Variants in ELMO1 observed in about 807,000 individuals in gnomAD.
The protein encoded by ELMO1 is engulfment and cell motility 1.
In ELMO1, 26 loss-of-function variants were observed where a neutral mutation model predicts 98.9. The observed-to-expected ratio is 0.26, with a 90% confidence interval of 0.19 to 0.36. ELMO1 has a LOEUF of 0.36. Ranked by LOEUF, ELMO1 falls within the 10% of genes least tolerant of loss-of-function variation. The pLI is 1.00. For missense variants in ELMO1, 627 were observed against 935.2 expected (o/e 0.67, Z 4.30); for synonymous variants, 346 against 346.0 (o/e 1.00, Z 0.00).
rs183379979 is a variant in ELMO1, at chr7:37,015,456, C to T, written c.1301-2021G>A. Among the ~76,000 whole-genome samples, 483 of 152,134 alleles carry T rather than the reference C, an allele frequency of 3.2e-3. 1 individual carries two copies. Among genetic ancestry groups the T allele is most frequent in the African/African-American group, 0.011 (467 of 41,498 alleles). ...TCTCTACTAAAAACACAAAAATTAG[C>T]TGGGCATGGTGGCATGCCGCTGTAG... On this transcript the variant is annotated intron_variant, in intron 15 of 21. Transcript: ENST00000310758.
At chr7:37,168,943 G>A (rs1373105919) in intron 13 of ELMO1, among the ~76,000 whole-genome samples, 2 of 152,236 alleles carry the variant, frequency 1.3e-5, no homozygotes, top group Middle Eastern at 3.2e-3. Context: ...GTCCCCAGAG[G>A]TGGAGCCTAC....
At chr7:37,148,871 A>G (rs1376584672) in intron 13 of ELMO1, among the ~76,000 whole-genome samples, 2 of 152,176 alleles carry the variant, frequency 1.3e-5, no homozygotes, top group African/African-American at 4.8e-5. Context: ...GGATAAATAC[A>G]TGTCATGTAC....
intron 4 of ELMO1, among the ~76,000 whole-genome samples, chr7:37,298,185 C>A (rs543709959): frequency 4.0e-4 from 61 of 151,312 alleles, no homozygotes; most frequent in East Asian, 3.7e-3. Context: ...AAAATCTAAA[C>A]CTAACTACAG....
chr7:37,304,933 T>C (rs1170566892), intron 4 of ELMO1, among the ~76,000 whole-genome samples: 1 of 152,178 alleles, frequency 6.6e-6, no homozygotes, highest in Non-Finnish European at 1.5e-5. Context: ...GTCACCACAG[T>C]GGAGTGTGAC....
At chr7:37,426,925 C>T (rs751889383) in intron 1 of ELMO1, among the ~76,000 whole-genome samples, 4 of 151,674 alleles carry the variant, frequency 2.6e-5, no homozygotes, top group African/African-American at 2.4e-5. Context: ...CAGCATTATA[C>T]CTAACTCATT....
At position 36,888,962 on chromosome 7, in the gene ELMO1, T is replaced by C. The variant is rs1436105203; in HGVS notation, c.1602-1290A>G. 2.6e-5 allele frequency among the ~76,000 whole-genome samples: 4 copies of C among 152,192 alleles called. No individual in the cohort carries two copies. The East Asian group carries it at 7.7e-4, about 29-fold the overall frequency. On this transcript the variant is annotated intron_variant, in intron 17 of 21. Coordinates refer to ENST00000310758, the MANE Select transcript of ELMO1 (RefSeq NM_014800.11). ...CTTCCTTCCTGAAAATAACAGCTTT[T>C]GGGGAAAGTATTAATGTCATCATTC...
intron 16 of ELMO1, among the ~76,000 whole-genome samples, chr7:36,913,722 T>C (rs1237897856): frequency 1.3e-5 from 2 of 152,208 alleles, no homozygotes; most frequent in Non-Finnish European, 2.9e-5. Flanking sequence ...TTTTGAGTGA[T>C]GTATACAAGA....
At chr7:37,277,824 T>A (rs967819040) in intron 4 of ELMO1, among the ~76,000 whole-genome samples, 1 of 152,238 alleles carries the variant, frequency 6.6e-6, no homozygotes, top group Non-Finnish European at 1.5e-5. Flanking sequence ...TAACAGCACT[T>A]TGTATGCTTC....
rs1488182164 is a variant in ELMO1 at position 36,975,488 on chromosome 7, T to G, written c.1437+37811A>C. On this transcript the variant is annotated intron_variant, in intron 16 of 21. Coordinates refer to ENST00000310758, the MANE Select transcript of ELMO1 (RefSeq NM_014800.11). ...CTCAAAAATAAAACAAAACAGAAAA[T>G]TTTCATCAAAGTTGAAATAGTTTCA... is the stretch of plus-strand genomic sequence containing the variant. 2.0e-5 allele frequency among the ~76,000 whole-genome samples: 3 copies of G among 150,056 alleles called. No homozygotes were observed. The South Asian group carries it at 6.4e-4, about 32-fold the overall frequency.
intron 13 of ELMO1, among the ~76,000 whole-genome samples, chr7:37,166,855 T>C (rs978199285): frequency 5.9e-5 from 9 of 152,318 alleles, no homozygotes; most frequent in South Asian, 2.1e-4. Flanking sequence ...CTATTAGGTC[T>C]GCTTGGTGGA....
intron 16 of ELMO1, among the ~76,000 whole-genome samples, chr7:36,953,589 ATCT>A (rs1325181415): frequency 6.6e-6 from 1 of 152,100 alleles, no homozygotes; most frequent in African/African-American, 2.4e-5. Flanking sequence ...TTGTTTTTTA[ATCT>A]TCTTAGTGTA....
chr7:37,387,972 C>T (rs1802881284), intron 1 of ELMO1, among the ~76,000 whole-genome samples: 1 of 152,126 alleles, frequency 6.6e-6, no homozygotes, highest in African/African-American at 2.4e-5. Context: ...GCTGGGACTA[C>T]AGGTACATGC....
chr7:37,057,786 G>T (rs1366277867), intron 15 of ELMO1, among the ~76,000 whole-genome samples: 1 of 152,176 alleles, frequency 6.6e-6, no homozygotes, highest in Non-Finnish European at 1.5e-5. Flanking sequence ...TCTAAAAATT[G>T]GGTTTAGAGG....
intron 13 of ELMO1, among the ~76,000 whole-genome samples, chr7:37,193,537 C>G (rs1426804989): frequency 1.3e-5 from 2 of 152,146 alleles, no homozygotes; most frequent in Non-Finnish European, 2.9e-5. Context: ...GGAGTCACCA[C>G]TCGGGGGGCT....
chr7:37,360,322 T>C (rs1372966858), intron 1 of ELMO1, among the ~76,000 whole-genome samples: 1 of 151,804 alleles, frequency 6.6e-6, no homozygotes, highest in Admixed American at 6.6e-5. Context: ...GAGCTTATTA[T>C]GGCAAAGAAC....
intron 13 of ELMO1, among the ~76,000 whole-genome samples, chr7:37,158,312 C>A (rs2129326487): frequency 1.3e-5 from 2 of 152,260 alleles, no homozygotes; most frequent in East Asian, 1.9e-4. Context: ...CAAATGGGAT[C>A]TAATTAAACT....
intron 15 of ELMO1, among the ~76,000 whole-genome samples, chr7:37,076,515 T>C (rs1797589183): frequency 6.6e-6 from 1 of 152,186 alleles, no homozygotes; most frequent in Non-Finnish European, 1.5e-5. Flanking sequence ...ACCAGAAGGT[T>C]AGATTGATCT....
At chr7:37,123,590 G>T (rs965698717) in intron 14 of ELMO1, among the ~76,000 whole-genome samples, 1 of 152,152 alleles carries the variant, frequency 6.6e-6, no homozygotes, top group Non-Finnish European at 1.5e-5. Flanking sequence ...AAACCAGGAA[G>T]ACGTTGAATC....
chr7:37,046,316 A>G (rs2129199875), intron 15 of ELMO1, among the ~76,000 whole-genome samples: 1 of 152,340 alleles, frequency 6.6e-6, no homozygotes, highest in Middle Eastern at 3.4e-3. Context: ...AAGTCAGAAC[A>G]TCTCAGATGA....
Sources: gnomAD v4.1 joint callset for allele counts (sites outside exome capture counted in the v4.1 genomes callset) on GRCh38, gnomAD v4.1.1 for gene constraint, MANE v1.5 for transcripts, NCBI Gene and HGNC (gene_info 2026-07-23, HGNC 2026-07-21) for gene names.